Variants in ZFAND3 observed in about 807,000 individuals in gnomAD.
The protein encoded by ZFAND3 is AN1-type zinc finger protein 3.
A neutral mutation model predicts 29.6 loss-of-function variants in ZFAND3; 10 were observed. The ratio of observed to expected loss-of-function variants is 0.34; its 90% CI spans 0.21 to 0.57. The LOEUF (loss-of-function observed/expected upper bound fraction) is 0.57, where lower values mean the gene tolerates loss of function less well. ZFAND3 is among the 20% of genes least tolerant of loss of function. ZFAND3 has a pLI of 0.86. For synonymous variants in ZFAND3, 128 were observed against 112.6 expected (o/e 1.14, Z -0.87); for missense variants, 230 against 304.5 (o/e 0.76, Z 1.82).
At chr6:38,079,915 G>A (rs977640433) in intron 3 of ZFAND3, among the ~76,000 whole-genome samples, 3 of 152,050 alleles carry the variant, frequency 2.0e-5, no homozygotes, top group African/African-American at 7.2e-5. Flanking sequence ...TGGGTGTTGG[G>A]AATGTTCTCA....
intron 1 of ZFAND3, among the ~76,000 whole-genome samples, chr6:37,832,722 G>A (rs1221565142): frequency 6.6e-6 from 1 of 152,124 alleles, no homozygotes; most frequent in Non-Finnish European, 1.5e-5. Context: ...TGCCCAGGAG[G>A]CTAGAGTGCA....
intron 2 of ZFAND3, among the ~76,000 whole-genome samples, chr6:37,945,866 G>A (rs114773814): frequency 0.014 from 2,146 of 152,274 alleles, 45 homozygotes; most frequent in African/African-American, 0.049. Flanking sequence ...GAAAAGCACA[G>A]CTCTTGCTTG....
chr6:38,108,790 A>G (rs1407795204), intron 4 of ZFAND3, among the ~76,000 whole-genome samples: 2 of 152,182 alleles, frequency 1.3e-5, no homozygotes, highest in East Asian at 3.9e-4. Context: ...ATACTTTATC[A>G]GCCATCTAGG....
intron 2 of ZFAND3, among the ~76,000 whole-genome samples, chr6:38,041,716 T>C (rs866374997): frequency 0.064 from 55 of 860 alleles, 11 homozygotes; most frequent in Admixed American, 0.091. Flanking sequence ...CTCCTCCTCC[T>C]CCTCCTCCTC....
intron 3 of ZFAND3, among the ~76,000 whole-genome samples, chr6:38,069,496 C>T (rs1469406176): frequency 6.6e-6 from 1 of 152,158 alleles, no homozygotes; most frequent in Non-Finnish European, 1.5e-5. Flanking sequence ...CTTTAAATGT[C>T]TCTTTTGATT....
chr6:38,025,798 T>C (rs1351832058), intron 2 of ZFAND3, among the ~76,000 whole-genome samples: 3 of 152,198 alleles, frequency 2.0e-5, no homozygotes, highest in African/African-American at 4.8e-5. Context: ...ATTTCACTTA[T>C]ATGAAATGTC....
intron 1 of ZFAND3, among the ~76,000 whole-genome samples, chr6:37,850,934 C>T (rs1764268569): frequency 6.6e-6 from 1 of 151,900 alleles, no homozygotes; most frequent in Non-Finnish European, 1.5e-5. Flanking sequence ...TTTCCCACCC[C>T]ATTAGTCACC....
intron 2 of ZFAND3, among the ~76,000 whole-genome samples, chr6:37,948,708 A>C (rs915202808): frequency 6.6e-6 from 1 of 152,102 alleles, no homozygotes; most frequent in Non-Finnish European, 1.5e-5. Flanking sequence ...AACATGTGGT[A>C]TTTCGTTTTC....
intron 1 of ZFAND3, among the ~76,000 whole-genome samples, chr6:37,878,251 G>A (rs373641792): frequency 7.9e-5 from 12 of 152,160 alleles, no homozygotes; most frequent in Admixed American, 3.3e-4. Context: ...ATTACTATCC[G>A]TGGGACAGTG....
intron 2 of ZFAND3, among the ~76,000 whole-genome samples, chr6:37,958,314 C>G (rs1377960322): frequency 6.6e-6 from 1 of 151,976 alleles, no homozygotes; most frequent in Non-Finnish European, 1.5e-5. Context: ...ATTAGCTGGG[C>G]GTGGTGGCGG....
intron 2 of ZFAND3, among the ~76,000 whole-genome samples, chr6:37,942,628 G>C (rs1761832131): frequency 6.6e-6 from 1 of 152,072 alleles, no homozygotes; most frequent in Non-Finnish European, 1.5e-5. Flanking sequence ...CTACAATCTT[G>C]TGGGAATATT....
chr6:37,821,920 A>G (rs187187342), intron 1 of ZFAND3, among the ~76,000 whole-genome samples: 40 of 152,030 alleles, frequency 2.6e-4, no homozygotes, highest in Non-Finnish European at 5.3e-4. Flanking sequence ...TGCAGCCTGC[A>G]CCTCCCGGGT....
At chr6:38,098,760 C>T (rs1351988876) in intron 4 of ZFAND3, among the ~76,000 whole-genome samples, 1 of 152,012 alleles carries the variant, frequency 6.6e-6, no homozygotes, top group African/African-American at 2.4e-5. Flanking sequence ...CCTTGGCCTC[C>T]CAAAGTGCTA....
chr6:38,149,520 T>G (rs895608341), intron 5 of ZFAND3, among the ~76,000 whole-genome samples: 4 of 150,104 alleles, frequency 2.7e-5, no homozygotes, highest in Admixed American at 2.0e-4. Context: ...AATGTCAGGG[T>G]AGCTACTGTG....
chr6:38,048,560 T>A (rs1763954287), intron 2 of ZFAND3, among the ~76,000 whole-genome samples: 1 of 134,840 alleles, frequency 7.4e-6, no homozygotes, highest in Non-Finnish European at 1.5e-5. Context: ...AGGTGGGGCT[T>A]GCAGTGAGCC....
chr6:37,892,606 T>A (rs1351993351), intron 1 of ZFAND3, among the ~76,000 whole-genome samples: 1 of 151,794 alleles, frequency 6.6e-6, no homozygotes, highest in East Asian at 1.9e-4. Flanking sequence ...AGAACAAAAA[T>A]AAAGATTAGA....
chr6:38,095,623 A>T (rs2127475563), intron 4 of ZFAND3, among the ~76,000 whole-genome samples: 1 of 152,246 alleles, frequency 6.6e-6, no homozygotes, highest in East Asian at 1.9e-4. Flanking sequence ...TCATTTTTCC[A>T]AATACACCCC....
At position 38,078,483 on chromosome 6, in the gene ZFAND3, T is replaced by C. The variant is rs993166480; in HGVS notation, c.296-3909T>C. Among the ~76,000 whole-genome samples, 7 of 152,350 alleles carry C rather than the reference T, an allele frequency of 4.6e-5. No homozygotes were observed. The South Asian group carries it at 1.0e-3, about 23-fold the overall frequency. On this transcript the variant is annotated intron_variant, in intron 3 of 5. Transcript: ENST00000287218. ...TTGAAAAAATTCAGTTAATTTGCTT[T>C]AGCAAAAGAAAGCAAAAAGCATTTA... is the stretch of plus-strand genomic sequence containing the variant.
intron 2 of ZFAND3, among the ~76,000 whole-genome samples, chr6:38,036,827 T>C (rs1362646309): frequency 6.6e-6 from 1 of 152,188 alleles, no homozygotes; most frequent in Non-Finnish European, 1.5e-5. Context: ...TTTTCCAGGC[T>C]GGTCTCAAAC....
Sources: allele counts gnomAD v4.1 joint callset (sites outside exome capture counted in the v4.1 genomes callset), GRCh38; gene constraint gnomAD v4.1.1; transcripts MANE v1.5; gene names NCBI Gene and HGNC (gene_info 2026-07-23, HGNC 2026-07-21).